The following CRLF2 variants were observed in gnomAD, a reference collection of about 807,000 sequenced individuals.
CRLF2 encodes the protein cytokine receptor like factor 2.
A neutral mutation model predicts 38.7 loss-of-function variants in CRLF2; 41 were observed. The ratio of observed to expected loss-of-function variants is 1.06; its 90% CI spans 0.83 to 1.37. The LOEUF is 1.37. Among genes scored for constraint, CRLF2 ranks in the 40% most tolerant of loss-of-function variants. The pLI is 0.00. For missense variants in CRLF2, 377 were observed against 322.2 expected, an observed-to-expected ratio of 1.17 and a Z score of -1.30; for synonymous variants, 140 against 128.8, an observed-to-expected ratio of 1.09 and a Z score of -0.59.
At chrX:1,210,973 G>A (rs1277132404) in intron 1 of CRLF2, among the ~76,000 whole-genome samples, 1 of 151,254 alleles carries the variant, frequency 6.6e-6, no homozygotes, top group African/African-American at 2.4e-5. Context: ...ACATAGATGT[G>A]TACATGGATG....
Position 1,206,453 on chromosome X carries a change from CTT to C in CRLF2, c.327_328del (p.Arg111LeufsTer29). On this transcript the variant is annotated frameshift_variant, in exon 3 of 8. Transcript: ENST00000400841. LOFTEE classifies it high-confidence loss of function. ...CTTACGGTAATAAACCATCCAGCGA[CTT>C]GCGGTGAAAACGGGGTGCGTCCCAT... The C allele has an allele frequency of 6.2e-7, 1 of 1,613,642 alleles. No homozygotes were observed. Among genetic ancestry groups the C allele is most frequent in the Non-Finnish European group, 8.5e-7 (1 of 1,179,654 alleles).
intron 6 of CRLF2, among the ~76,000 whole-genome samples, chrX:1,196,025 T>C (rs1420563849): frequency 2.1e-5 from 3 of 142,820 alleles, no homozygotes; most frequent in Non-Finnish European, 4.5e-5. Flanking sequence ...AATATAAATA[T>C]ATATAATTAT....
chrX:1,198,907 G>T, intron 4 of CRLF2, 183 bp from the exon 5 acceptor site: 1 of 643,466 alleles, frequency 1.6e-6, no homozygotes, highest in Non-Finnish European at 2.7e-6. Flanking sequence ...CCAACGCTTT[G>T]GGAGGCTGAG....
chrX:1,195,334 G>A (rs2086456895), intron 6 of CRLF2, among the ~76,000 whole-genome samples: 1 of 152,146 alleles, frequency 6.6e-6, no homozygotes, highest in South Asian at 2.1e-4. Context: ...AGTGAGAGAT[G>A]GAGCAAAGAC....
At chrX:1,205,563 T>TA (rs1434654313) in intron 3 of CRLF2, among the ~76,000 whole-genome samples, 74 of 152,116 alleles carry the variant, frequency 4.9e-4, no homozygotes, top group Admixed American at 4.8e-3. Context: ...CTGAAGGAAA[T>TA]ACTGAAAAGC....
intron 4 of CRLF2, among the ~76,000 whole-genome samples, chrX:1,201,656 G>GATAC (rs2086611219): frequency 6.8e-6 from 1 of 146,440 alleles, no homozygotes; most frequent in African/African-American, 2.7e-5. Context: ...ACATTAGATA[G>GATAC]AGAGACAGAC....
Position 1,206,569 on chromosome X carries a change from G to GCACT in CRLF2, c.209_212dup (p.Cys71Ter). Reference sequence around the variant, plus strand: ...GACCTTCCTGGAGAAGGTAGTTGGTGCACTGGTCATAGGCCTCATCACCGT... The same window carrying GCACT: ...GACCTTCCTGGAGAAGGTAGTTGGTGCACTCACTGGTCATAGGCCTCATCACCGT... On this transcript the variant is annotated stop_gained and frameshift_variant, in exon 3 of 8. Transcript: ENST00000400841. LOFTEE classifies it high-confidence loss of function. 2.5e-6 allele frequency: 4 copies of GCACT among 1,613,572 alleles called. No homozygotes were observed. The East Asian group carries it at 8.9e-5, about 36-fold the overall frequency.
chrX:1,212,502 G>A, intron 1 of CRLF2, 54 bp downstream of exon 1: 2 of 1,253,474 alleles, frequency 1.6e-6, no homozygotes, highest in Non-Finnish European at 2.3e-6. Flanking sequence ...GTGCCTGGTT[G>A]CAAAGCAAAC....
chrX:1,208,690 G>A, intron 2 of CRLF2, 116 bp downstream of exon 2: 1 of 729,494 alleles, frequency 1.4e-6, no homozygotes, highest in South Asian at 1.6e-5. Context: ...AAACATTCCG[G>A]CTTGCACAGT....
At position 1,190,795 on chromosome X, in the gene CRLF2, G is replaced by A; in HGVS notation, c.*102C>T. ...CTCCTAGTCCTACCATCATTGGCGT[G>A]GAGACTTCCCATCCATGGTGGTGTG... On this transcript the variant is annotated 3_prime_UTR_variant, in exon 8 of 8. Coordinates refer to ENST00000400841, the MANE Select transcript of CRLF2 (RefSeq NM_022148.4). 1 of 398,646 alleles carries A rather than the reference G, an allele frequency of 2.5e-6. No homozygotes were observed. The highest frequency in any genetic ancestry group is 4.4e-6 in the Non-Finnish European group (1 of 226,076). 24.7% of individuals were successfully genotyped at this position (398,646 alleles called of 1,614,324 possible).
intron 6 of CRLF2, 110 bp from the exon 7 acceptor site, chrX:1,193,412 C>G (rs1310145731): frequency 1.3e-5 from 5 of 396,466 alleles, no homozygotes; most frequent in African/African-American, 8.2e-5. Context: ...AATGGCAGAG[C>G]GGGGCCTTCC....
At chrX:1,196,015 A>C (rs2086469074) in intron 6 of CRLF2, among the ~76,000 whole-genome samples, 1 of 142,014 alleles carries the variant, frequency 7.0e-6, no homozygotes, top group South Asian at 2.1e-4. Context: ...ATTATATATA[A>C]ATATAAATAT....
chrX:1,196,409 A>G (rs775027337), intron 6 of CRLF2, among the ~76,000 whole-genome samples: 24 of 151,968 alleles, frequency 1.6e-4, no homozygotes, highest in Admixed American at 5.3e-4. Flanking sequence ...GATGGTCTCG[A>G]TCTCTTGACC....
intron 5 of CRLF2, 95 bp downstream of exon 5, chrX:1,198,467 G>C: frequency 9.1e-7 from 1 of 1,095,524 alleles, no homozygotes; most frequent in Non-Finnish European, 1.3e-6. Flanking sequence ...CTCGAAGGCA[G>C]GACACCCTCC....
In CRLF2 at chrX:1,193,505, T is replaced by C. The variant is rs1423628614; in HGVS notation, c.768-203A>G. ...AAAGTTCCCATCAGGAGGCCGGGAGTGGTGGCTCACGCCTGTAATCCCAGC... is the reference window on the plus strand; with the variant it reads ...AAAGTTCCCATCAGGAGGCCGGGAGCGGTGGCTCACGCCTGTAATCCCAGC... On this transcript the variant is annotated intron_variant, in intron 6 of 7. Coordinates refer to ENST00000400841, the MANE Select transcript of CRLF2 (RefSeq NM_022148.4). Among the ~76,000 whole-genome samples the C allele has an allele frequency of 1.5e-3, 223 of 151,430 alleles. 1 individual carries two copies. Among genetic ancestry groups the C allele is most frequent in the African/African-American group, 5.1e-3 (209 of 41,338 alleles).
intron 1 of CRLF2, among the ~76,000 whole-genome samples, chrX:1,210,292 T>C (rs2086774877): frequency 6.6e-6 from 1 of 152,130 alleles, no homozygotes; most frequent in African/African-American, 2.4e-5. Context: ...CATGTAATGA[T>C]ATTTTGCATA....
chrX:1,193,140 GC>G, intron 7 of CRLF2, 77 bp downstream of exon 7: 1 of 397,726 alleles, frequency 2.5e-6, no homozygotes, highest in Non-Finnish European at 4.4e-6. Context: ...AAAAGGTCGC[GC>G]TCAGAGAGAT....
chrX:1,205,124 G>A (rs1285066739), intron 3 of CRLF2, among the ~76,000 whole-genome samples: 5 of 152,030 alleles, frequency 3.3e-5, no homozygotes, highest in Non-Finnish European at 7.4e-5. Flanking sequence ...ACCGCGCCCC[G>A]CCTTTAATTC....
chrX:1,193,768 C>G (rs1317814728), intron 6 of CRLF2, among the ~76,000 whole-genome samples: 1 of 121,624 alleles, frequency 8.2e-6, no homozygotes, highest in Non-Finnish European at 1.6e-5. Flanking sequence ...GGCGACAGAG[C>G]GAGACTCCAT....
Sources: allele counts gnomAD v4.1 joint callset (sites outside exome capture counted in the v4.1 genomes callset), GRCh38; gene constraint gnomAD v4.1.1; transcripts MANE v1.5; gene names NCBI Gene and HGNC (gene_info 2026-07-23, HGNC 2026-07-21).